Variants in PTPN3 observed in about 807,000 individuals in gnomAD.
PTPN3 encodes the protein protein tyrosine phosphatase non-receptor type 3.
Under a neutral mutation model 132.7 loss-of-function variants are expected in PTPN3, and 96 were observed. The ratio of observed to expected loss-of-function variants is 0.72; its 90% CI spans 0.61 to 0.86. The LOEUF (loss-of-function observed/expected upper bound fraction) is 0.86. Ranked by LOEUF, PTPN3 falls within the 40% of genes least tolerant of loss-of-function variation. The pLI is 0.00. For synonymous variants in PTPN3, 398 were observed against 429.0 expected (o/e 0.93, Z 0.89); for missense variants, 1,125 against 1,159.6 (o/e 0.97, Z 0.43).
chr9:109,464,346 A>G (rs1481071978), intron 1 of PTPN3, among the ~76,000 whole-genome samples: 1 of 152,214 alleles, frequency 6.6e-6, no homozygotes, highest in African/African-American at 2.4e-5. Flanking sequence ...TGTGGGAGCT[A>G]AACTTTGAGA....
chr9:109,460,421 T>C (rs73654245), intron 2 of PTPN3, among the ~76,000 whole-genome samples: 4,350 of 152,150 alleles, frequency 0.029, 195 homozygotes, highest in African/African-American at 0.099. Context: ...CCCAGTGCTT[T>C]CCACCTCATG....
chr9:109,416,531 G>A lies in PTPN3; in HGVS notation c.1313+3893C>T, dbSNP rs150598170. Among the ~76,000 whole-genome samples, 4 of 149,298 alleles carry A rather than the reference G, an allele frequency of 2.7e-5. No homozygotes were observed. The East Asian group carries it at 7.9e-4, about 30-fold the overall frequency. On this transcript the variant is annotated intron_variant, in intron 14 of 25. Transcript: ENST00000374541. Reference sequence around the variant, plus strand: ...TGCGACCACAGCTCACTGCAGCCTCGACCTCCTGGGCTCAAGTGATTCTCT... The same window carrying A: ...TGCGACCACAGCTCACTGCAGCCTCAACCTCCTGGGCTCAAGTGATTCTCT...
chr9:109,414,711 C>T (rs1842338916), intron 14 of PTPN3, among the ~76,000 whole-genome samples: 1 of 152,160 alleles, frequency 6.6e-6, no homozygotes, highest in South Asian at 2.1e-4. Context: ...TAGGCTTCCC[C>T]TATAGATATC....
rs533985135 is a variant in PTPN3, at chr9:109,402,089, CGCTAAATCAACAAACAAACG to C, written c.1953+2339_1953+2358del. Among the ~76,000 whole-genome samples the C allele has an allele frequency of 8.5e-5, 13 of 152,256 alleles. No homozygotes were observed. The South Asian group carries it at 2.7e-3, about 32-fold the overall frequency. On this transcript the variant is annotated intron_variant, in intron 19 of 25. Transcript: ENST00000374541. ...CCAGGGGAAATACCCAAGACACACT[CGCTAAATCAACAAACAAACG>C]ACTTCTCACTGCCTTTCCTGTCCTC...
the PTPN3 span, among the ~76,000 whole-genome samples, chr9:109,508,243 C>A: frequency 6.6e-6 from 1 of 151,696 alleles, no homozygotes; most frequent in South Asian, 2.1e-4. Context: ...TCACTGCAAG[C>A]TCTGCCTCCC....
At position 109,433,193 on chromosome 9, in the gene PTPN3, T is replaced by C. The variant is rs759577204; in HGVS notation, c.676-32A>G. ...AAAGGAAGATCTCAGATCCACAGCA[T>C]GTTACAGTCATGCTTATGCCCTCTG... On this transcript the variant is annotated intron_variant, in intron 9 of 25. Transcript: ENST00000374541. 2.5e-6 allele frequency: 4 copies of C among 1,612,910 alleles called. No homozygotes were observed. In the South Asian group the frequency reaches 3.3e-5, roughly 13 times the overall value.
At chr9:109,382,236 A>G (rs1839164807) in intron 24 of PTPN3, 66 bp downstream of exon 24, 4 of 1,552,062 alleles carry the variant, frequency 2.6e-6, no homozygotes, top group Non-Finnish European at 3.5e-6. Flanking sequence ...GGCGCCTGCC[A>G]ATTGTCTCCA....
chr9:109,518,896 G>C, the PTPN3 span, among the ~76,000 whole-genome samples: 2 of 152,146 alleles, frequency 1.3e-5, no homozygotes, highest in East Asian at 3.9e-4. Context: ...CCAGAAGACT[G>C]AGAATAAGAA....
At chr9:109,429,973 G>A (rs1450442362) in intron 10 of PTPN3, among the ~76,000 whole-genome samples, 2 of 152,142 alleles carry the variant, frequency 1.3e-5, no homozygotes, top group African/African-American at 4.8e-5. Flanking sequence ...TCCCCCAGAT[G>A]GATCAGCAAT....
chr9:109,450,172 A>T (rs922649756), intron 5 of PTPN3: 42 of 984,982 alleles, frequency 4.3e-5, no homozygotes, highest in Non-Finnish European at 4.9e-5. Flanking sequence ...CTTTGATTAT[A>T]ATTAACTACC....
At chr9:109,526,946 G>A in the PTPN3 span, among the ~76,000 whole-genome samples, 2 of 151,994 alleles carry the variant, frequency 1.3e-5, no homozygotes, top group South Asian at 2.1e-4. Flanking sequence ...GTGGTGCTGG[G>A]TCAATTGGAT....
Position 109,422,742 on chromosome 9 carries a change from C to A in PTPN3, c.1112G>T (p.Arg371Leu). Reference sequence around the variant, plus strand: ...CCAGTTGGGAGTAATGGGAGGGGAACGAGAAGGCAGACTCTTGGTTTCTAA... The same window carrying A: ...CCAGTTGGGAGTAATGGGAGGGGAAAGAGAAGGCAGACTCTTGGTTTCTAA... ...EHLETKSLPS[R>L]SPPITPNWRS... Residue 371 changes from arginine to leucine, a missense_variant, in exon 13 of 26, where the codon CGT (arginine) becomes CTT (leucine). Coordinates refer to ENST00000374541, the MANE Select transcript of PTPN3 (RefSeq NM_002829.4). The A allele has an allele frequency of 1.2e-6, 2 of 1,609,820 alleles. No individual in the cohort carries two copies. Among genetic ancestry groups the A allele is most frequent in the Non-Finnish European group, 1.7e-6 (2 of 1,177,798 alleles).
chr9:109,436,797 AAT>A, intron 9 of PTPN3, 84 bp downstream of exon 9: 1 of 1,519,122 alleles, frequency 6.6e-7, no homozygotes, highest in African/African-American at 1.4e-5. Flanking sequence ...ATGAAAAAGA[AAT>A]AGTTTCATCA....
chr9:109,469,571 A>G (rs867079553), intron 1 of PTPN3, among the ~76,000 whole-genome samples: 9 of 152,342 alleles, frequency 5.9e-5, no homozygotes, highest in Middle Eastern at 3.4e-3. Flanking sequence ...ATGAGCCAAG[A>G]TCGCGCCATT....
intron 1 of PTPN3, among the ~76,000 whole-genome samples, chr9:109,465,377 GA>G (rs1321708893): frequency 6.6e-6 from 1 of 152,162 alleles, no homozygotes; most frequent in Non-Finnish European, 1.5e-5. Flanking sequence ...AGGAGTTCGA[GA>G]TCAGCTGGCC....
chr9:109,512,300 T>G, the PTPN3 span, among the ~76,000 whole-genome samples: 10 of 152,104 alleles, frequency 6.6e-5, no homozygotes, highest in Non-Finnish European at 1.5e-4. Context: ...ATTAAGAAGC[T>G]CCTGGGTGCA....
At chr9:109,440,318 G>C (rs1417522045) in intron 7 of PTPN3, among the ~76,000 whole-genome samples, 1 of 152,360 alleles carries the variant, frequency 6.6e-6, no homozygotes, top group Middle Eastern at 3.4e-3. Context: ...GTTTGTGCAG[G>C]GTTAAGCGCA....
At chr9:109,410,543 T>C (rs1842002565) in intron 14 of PTPN3, 128 bp from the exon 15 acceptor site, 1 of 1,056,204 alleles carries the variant, frequency 9.5e-7, no homozygotes, top group Non-Finnish European at 1.4e-6. Context: ...GCATAGGTTG[T>C]CAGCGGGATT....
intron 1 of PTPN3, among the ~76,000 whole-genome samples, chr9:109,469,005 T>C (rs1019813990): frequency 6.6e-6 from 1 of 152,234 alleles, no homozygotes; most frequent in Non-Finnish European, 1.5e-5. Context: ...GTGATAGATA[T>C]GTGATACATC....
Sources: gnomAD v4.1 joint callset for allele counts (sites outside exome capture counted in the v4.1 genomes callset) on GRCh38, gnomAD v4.1.1 for gene constraint, MANE v1.5 for transcripts, NCBI Gene and HGNC (gene_info 2026-07-23, HGNC 2026-07-21) for gene names.